Variants in SNCAIP observed in about 807,000 individuals in gnomAD.
The protein encoded by SNCAIP is synuclein alpha interacting protein, also known as synphilin-1.
In SNCAIP, 43 loss-of-function variants were observed where a neutral mutation model predicts 86.7. That is an observed-to-expected ratio of 0.50 (90% CI 0.39 to 0.64). The LOEUF (loss-of-function observed/expected upper bound fraction) is 0.64. Ranked by LOEUF, SNCAIP falls within the 30% of genes least tolerant of loss-of-function variation. The pLI is 0.00. For synonymous variants in SNCAIP, 417 were observed against 427.2 expected (o/e 0.98, Z 0.29); for missense variants, 981 against 1,103.1 (o/e 0.89, Z 1.57).
chr5:122,453,625 G>A (rs1477255743), intron 10 of SNCAIP, among the ~76,000 whole-genome samples: 2 of 152,200 alleles, frequency 1.3e-5, no homozygotes, highest in Admixed American at 1.3e-4. Context: ...CGAGTCCCCA[G>A]TGGCTGGGCC....
At chr5:122,351,631 C>CT (rs996069411) in intron 1 of SNCAIP, among the ~76,000 whole-genome samples, 2 of 146,666 alleles carry the variant, frequency 1.4e-5, no homozygotes, top group African/African-American at 5.0e-5. Context: ...CACTGAGCAG[C>CT]TTTTTTTGTT....
intron 1 of SNCAIP, among the ~76,000 whole-genome samples, chr5:122,358,117 CAGAGTTAATTTTCAGGATCAAAGAAAG>C (rs1580654620): frequency 6.6e-6 from 1 of 151,432 alleles, no homozygotes; most frequent in East Asian, 2.0e-4. Flanking sequence ...TACCCCTAAA[CAGAGTTAATTTTCAGGATCAAAGAAAG>C]AAAAATTTGT....
intron 1 of SNCAIP, among the ~76,000 whole-genome samples, chr5:122,334,188 T>C (rs892644190): frequency 2.0e-5 from 3 of 152,098 alleles, no homozygotes; most frequent in African/African-American, 7.2e-5. Context: ...GTGCGGGCAC[T>C]GTTCTAAATG....
intron 5 of SNCAIP, 126 bp downstream of exon 5, chr5:122,425,657 A>G (rs1466370840): frequency 3.2e-5 from 25 of 771,728 alleles, no homozygotes; most frequent in Non-Finnish European, 5.3e-5. Context: ...GCAAATGAAC[A>G]TATTGCATTT....
At chr5:122,378,606 C>G (rs1271397130) in intron 1 of SNCAIP, among the ~76,000 whole-genome samples, 24 of 140,908 alleles carry the variant, frequency 1.7e-4, no homozygotes, top group Admixed American at 5.5e-4. Flanking sequence ...TGGACATGAA[C>G]TCCTTGCCCA....
intron 10 of SNCAIP, among the ~76,000 whole-genome samples, chr5:122,459,095 T>C (rs1437242501): frequency 6.6e-6 from 1 of 152,220 alleles, no homozygotes; most frequent in Non-Finnish European, 1.5e-5. Context: ...CTACCCACAG[T>C]GAGTTTCCAT....
chr5:122,351,387 A>C (rs1759740555), intron 1 of SNCAIP, among the ~76,000 whole-genome samples: 1 of 151,878 alleles, frequency 6.6e-6, no homozygotes, highest in African/African-American at 2.4e-5. Flanking sequence ...AAATACAAAA[A>C]TTAGTCAGGC....
intron 3 of SNCAIP, among the ~76,000 whole-genome samples, chr5:122,421,941 A>C (rs750245052): frequency 6.7e-6 from 1 of 150,200 alleles, no homozygotes; most frequent in Admixed American, 6.7e-5. Context: ...TTTCTACTCT[A>C]TCGCAACCAG....
intron 1 of SNCAIP, among the ~76,000 whole-genome samples, chr5:122,343,978 C>T (rs1758094495): frequency 1.3e-5 from 2 of 152,036 alleles, no homozygotes; most frequent in South Asian, 2.1e-4. Context: ...TTTTCTTTTT[C>T]TTTTTTTCAG....
At chr5:122,413,177 A>G (rs932926294) in intron 3 of SNCAIP, among the ~76,000 whole-genome samples, 9 of 152,200 alleles carry the variant, frequency 5.9e-5, no homozygotes, top group African/African-American at 1.9e-4. Context: ...AAAATAAAAA[A>G]CAAACTCTTT....
intron 1 of SNCAIP, among the ~76,000 whole-genome samples, chr5:122,315,886 A>G (rs1033318177): frequency 6.6e-6 from 1 of 152,210 alleles, no homozygotes; most frequent in Non-Finnish European, 1.5e-5. Flanking sequence ...GGGAGATCCC[A>G]TATTTAGGAT....
At chr5:122,353,692 G>A (rs902487472) in intron 1 of SNCAIP, among the ~76,000 whole-genome samples, 4 of 152,202 alleles carry the variant, frequency 2.6e-5, no homozygotes, top group African/African-American at 9.6e-5. Context: ...TTTGCTTCCC[G>A]CCATCCATGA....
intron 3 of SNCAIP, among the ~76,000 whole-genome samples, chr5:122,416,196 C>G (rs892158631): frequency 1.3e-5 from 2 of 152,150 alleles, no homozygotes; most frequent in African/African-American, 4.8e-5. Flanking sequence ...GTGAGCAGGT[C>G]TTGACAATTC....
chr5:122,426,977 G>A lies in SNCAIP; in HGVS notation c.1182+1446G>A, dbSNP rs115432955. Among the ~76,000 whole-genome samples the A allele has an allele frequency of 9.0e-3, 1,368 of 152,258 alleles. 18 individuals are homozygous for A. Among genetic ancestry groups the A allele is most frequent in the African/African-American group, 0.03 (1,253 of 41,548 alleles). ...GACTGGTAAGTTATCAGTAACACAA[G>A]TATAGGATGGCAAATTTGGGATATA... On this transcript the variant is annotated intron_variant, in intron 5 of 10. Coordinates refer to ENST00000261368, the MANE Select transcript of SNCAIP (RefSeq NM_005460.4).
At chr5:122,327,248 A>G (rs895647721) in intron 1 of SNCAIP, among the ~76,000 whole-genome samples, 6 of 152,140 alleles carry the variant, frequency 3.9e-5, no homozygotes. Context: ...TAAAGTTCCT[A>G]ATGGATCATA....
chr5:122,400,969 C>A, intron 2 of SNCAIP: 1 of 1,539,620 alleles, frequency 6.5e-7, no homozygotes, highest in Non-Finnish European at 8.7e-7. Context: ...GCCCCCTCTT[C>A]ACTCTTCTCA....
At chr5:122,396,245 T>G (rs1271595598) in intron 2 of SNCAIP, among the ~76,000 whole-genome samples, 1 of 152,120 alleles carries the variant, frequency 6.6e-6, no homozygotes, top group African/African-American at 2.4e-5. Flanking sequence ...TGCCAGGAAA[T>G]GAATTAGGAA....
At chr5:122,389,968 C>T (rs1167049251) in intron 1 of SNCAIP, 2 of 151,958 alleles carry the variant, frequency 1.3e-5, no homozygotes, top group African/African-American at 2.4e-5. Context: ...AAAACAAATG[C>T]CTTCAGAACA....
intron 1 of SNCAIP, among the ~76,000 whole-genome samples, chr5:122,341,731 T>C (rs1158655245): frequency 6.6e-6 from 1 of 152,174 alleles, no homozygotes; most frequent in East Asian, 1.9e-4. Flanking sequence ...TGGGGATCTG[T>C]AGGAAACGCC....
Sources: gnomAD v4.1 joint callset for allele counts (sites outside exome capture counted in the v4.1 genomes callset) on GRCh38, gnomAD v4.1.1 for gene constraint, MANE v1.5 for transcripts, NCBI Gene and HGNC (gene_info 2026-07-23, HGNC 2026-07-21) for gene names.